Variants in SORCS1 observed in about 807,000 individuals in gnomAD.
The protein encoded by SORCS1 is sortilin related VPS10 domain containing receptor 1.
SORCS1 carries 60 observed loss-of-function variants against 146.1 expected under a neutral mutation model. That is an observed-to-expected ratio of 0.41 (90% confidence interval 0.33 to 0.51). SORCS1 has a LOEUF of 0.51. SORCS1 is among the 20% of genes least tolerant of loss of function. SORCS1 has a pLI of 0.21. For synonymous variants in SORCS1, 637 were observed against 584.0 expected (o/e 1.09, Z -1.31); for missense variants, 1,352 against 1,487.6 (o/e 0.91, Z 1.50).
rs959061632 is a variant in SORCS1 at position 107,044,336 on chromosome 10, G to T, written c.559-87756C>A. Among the ~76,000 whole-genome samples, 58 of 151,740 alleles carry T rather than the reference G, an allele frequency of 3.8e-4. 1 individual carries two copies. Among genetic ancestry groups the T allele is most frequent in the African/African-American group, 1.4e-3 (57 of 41,404 alleles). The stretch of plus-strand genomic sequence containing the variant: ...GCCAAATTCTGTGTTTAGCCTTAAG[G>T]ATTCAAAATATAAATAAATACATAA... On this transcript the variant is annotated intron_variant, in intron 1 of 25. Transcript: ENST00000263054.
chr10:107,013,193 C>G (rs1957757061), intron 1 of SORCS1, among the ~76,000 whole-genome samples: 1 of 152,090 alleles, frequency 6.6e-6, no homozygotes, highest in African/African-American at 2.4e-5. Context: ...CTTCACAAAA[C>G]TAAAATTCAC....
intron 1 of SORCS1, among the ~76,000 whole-genome samples, chr10:107,024,775 C>G (rs1456552531): frequency 2.0e-5 from 3 of 152,144 alleles, no homozygotes; most frequent in African/African-American, 7.2e-5. Flanking sequence ...TATACTCTAT[C>G]ACTACATTGG....
At chr10:107,178,000 G>T in the SORCS1 span, among the ~76,000 whole-genome samples, 2 of 152,032 alleles carry the variant, frequency 1.3e-5, no homozygotes, top group African/African-American at 2.4e-5. Flanking sequence ...GGGGCCTGTT[G>T]GAGCATTGGG....
chr10:107,059,503 T>A (rs1960969557), intron 1 of SORCS1, among the ~76,000 whole-genome samples: 1 of 152,198 alleles, frequency 6.6e-6, no homozygotes, highest in South Asian at 2.1e-4. Flanking sequence ...ACTGCCCAGA[T>A]GACAGAAGAG....
intron 1 of SORCS1, among the ~76,000 whole-genome samples, chr10:107,157,685 G>C (rs1448822253): frequency 6.6e-6 from 1 of 152,134 alleles, no homozygotes; most frequent in African/African-American, 2.4e-5. Context: ...TACATTCTAG[G>C]ATAAGCTCTG....
At chr10:106,773,523 A>G (rs1384341723) in intron 4 of SORCS1, among the ~76,000 whole-genome samples, 1 of 152,082 alleles carries the variant, frequency 6.6e-6, no homozygotes, top group Admixed American at 6.5e-5. Context: ...TCTGATTCCT[A>G]CTTGTAGAGC....
intron 1 of SORCS1, among the ~76,000 whole-genome samples, chr10:107,113,095 A>G (rs1405322858): frequency 1.3e-5 from 2 of 152,216 alleles, no homozygotes; most frequent in East Asian, 1.9e-4. Flanking sequence ...ATGATAGATT[A>G]TACTTTGGGC....
At chr10:107,040,429 G>A (rs748292205) in intron 1 of SORCS1, among the ~76,000 whole-genome samples, 7 of 152,110 alleles carry the variant, frequency 4.6e-5, no homozygotes, top group Non-Finnish European at 1.0e-4. Flanking sequence ...AGAACACAGG[G>A]ACAGAACATT....
intron 2 of SORCS1, among the ~76,000 whole-genome samples, chr10:106,929,672 A>G (rs540837998): frequency 3.3e-5 from 5 of 152,148 alleles, no homozygotes; most frequent in African/African-American, 9.7e-5. Context: ...AACTTCGTCA[A>G]CTTAAGCTGC....
intron 5 of SORCS1, among the ~76,000 whole-genome samples, chr10:106,750,637 G>A (rs1333222299): frequency 2.9e-5 from 4 of 139,644 alleles, no homozygotes; most frequent in South Asian, 2.3e-4. Flanking sequence ...GCTGAGGCAG[G>A]AGAATGGCGT....
chr10:106,963,253 C>G (rs1955341749), intron 1 of SORCS1, among the ~76,000 whole-genome samples: 1 of 151,132 alleles, frequency 6.6e-6, no homozygotes, highest in South Asian at 2.1e-4. Context: ...GTAGCTGGGA[C>G]TACAGGCGCC....
intron 5 of SORCS1, among the ~76,000 whole-genome samples, chr10:106,754,791 G>T (rs1858514927): frequency 6.6e-6 from 1 of 152,144 alleles, no homozygotes; most frequent in Admixed American, 6.5e-5. Flanking sequence ...AAACATAGCT[G>T]GCATTCCAAA....
chr10:106,969,092 T>C (rs1261144370), intron 1 of SORCS1, among the ~76,000 whole-genome samples: 2 of 152,294 alleles, frequency 1.3e-5, no homozygotes, highest in Admixed American at 6.5e-5. Context: ...CCAAGTAAAA[T>C]GTATTAATAA....
intron 2 of SORCS1, among the ~76,000 whole-genome samples, chr10:106,858,874 C>T (rs1326657272): frequency 6.6e-6 from 1 of 152,192 alleles, no homozygotes; most frequent in African/African-American, 2.4e-5. Flanking sequence ...TCCATGACAT[C>T]CTTCTTATAC....
chr10:107,154,635 T>C (rs1242041727), intron 1 of SORCS1, among the ~76,000 whole-genome samples: 1 of 152,160 alleles, frequency 6.6e-6, no homozygotes, highest in East Asian at 1.9e-4. Context: ...ATTAGGACAG[T>C]GCCCCAATCT....
In SORCS1 at chr10:106,761,677, A is replaced by G. The variant is rs373891027; in HGVS notation, c.886-16T>C. 5.6e-4 allele frequency: 910 copies of G among 1,611,124 alleles called. 3 individuals carry two copies. The highest frequency in any genetic ancestry group is 3.7e-3 in the South Asian group (339 of 91,022). ...AGCTGTATAACTGTAAAGAACAGAA[A>G]TTACTCAGCACTATGGTTCTATAGT... On this transcript the variant is annotated splice_polypyrimidine_tract_variant and intron_variant, in intron 4 of 25. Coordinates refer to ENST00000263054, the MANE Select transcript of SORCS1 (RefSeq NM_052918.5).
intron 22 of SORCS1, among the ~76,000 whole-genome samples, chr10:106,611,181 C>G (rs1022069247): frequency 1.8e-4 from 28 of 152,108 alleles, no homozygotes; most frequent in African/African-American, 6.3e-4. Flanking sequence ...GGATAAAACA[C>G]AACCACCTTG....
intron 5 of SORCS1, among the ~76,000 whole-genome samples, chr10:106,732,832 C>T (rs1005553371): frequency 6.6e-6 from 1 of 152,082 alleles, no homozygotes; most frequent in African/African-American, 2.4e-5. Context: ...AAACAAAAAA[C>T]AGGCAAGGCC....
At chr10:106,898,723 T>A (rs1295999661) in intron 2 of SORCS1, among the ~76,000 whole-genome samples, 2 of 152,148 alleles carry the variant, frequency 1.3e-5, no homozygotes, top group Non-Finnish European at 2.9e-5. Flanking sequence ...TTCTCCTTAT[T>A]CCCTCTTGGG....
Sources: allele counts gnomAD v4.1 joint callset (sites outside exome capture counted in the v4.1 genomes callset), GRCh38; gene constraint gnomAD v4.1.1; transcripts MANE v1.5; gene names NCBI Gene and HGNC (gene_info 2026-07-23, HGNC 2026-07-21).